EYA3: variants seen among roughly 807,000 people sequenced by gnomAD.
EYA3 encodes EYA transcriptional coactivator and phosphatase 3.
In EYA3, 39 loss-of-function variants were observed where a neutral mutation model predicts 80.0. That is an observed-to-expected ratio of 0.49 (90% CI 0.38 to 0.64). EYA3 has a LOEUF of 0.64. EYA3 is among the 30% of genes least tolerant of loss of function. The probability of loss-of-function intolerance (pLI) is 0.00; values close to 1 mark genes in which losing one functional copy is unlikely to be tolerated. For synonymous variants in EYA3, 206 were observed against 232.8 expected (o/e 0.88, Z 1.05); for missense variants, 523 against 676.1 (o/e 0.77, Z 2.51).
chr1:28,062,537 T>C (rs1335511231), intron 1 of EYA3, among the ~76,000 whole-genome samples: 1 of 152,174 alleles, frequency 6.6e-6, no homozygotes, highest in East Asian at 1.9e-4. Context: ...AGTTTCTGTT[T>C]TGTCCCAAGT....
chr1:28,002,798 C>T (rs1214071943), intron 11 of EYA3, among the ~76,000 whole-genome samples: 1 of 151,124 alleles, frequency 6.6e-6, no homozygotes, highest in East Asian at 2.0e-4. Flanking sequence ...CATGACAGAG[C>T]GAGATATTAT....
intron 10 of EYA3, among the ~76,000 whole-genome samples, chr1:28,005,967 T>G (rs1641238761): frequency 6.7e-6 from 1 of 150,266 alleles, no homozygotes; most frequent in Non-Finnish European, 1.5e-5. Context: ...TAGCTGGGTG[T>G]GGTGGTGCAC....
intron 4 of EYA3, among the ~76,000 whole-genome samples, chr1:28,041,325 T>C (rs1374116347): frequency 6.6e-6 from 1 of 151,988 alleles, no homozygotes; most frequent in Non-Finnish European, 1.5e-5. Flanking sequence ...GATCTTGCCA[T>C]TGCATTCCAG....
chr1:28,028,605 T>G (rs1048082112), intron 6 of EYA3, among the ~76,000 whole-genome samples: 6 of 150,882 alleles, frequency 4.0e-5, no homozygotes, highest in African/African-American at 1.5e-4. Flanking sequence ...TTAAATAAGA[T>G]AGGGTTTTGC....
chr1:28,031,088 C>A (rs150316829), intron 6 of EYA3, among the ~76,000 whole-genome samples: 200 of 152,168 alleles, frequency 1.3e-3, no homozygotes, highest in African/African-American at 4.6e-3. Context: ...CTTATAAGAT[C>A]AAAAATTAGA....
At chr1:28,073,528 G>C (rs1431881341) in intron 1 of EYA3, among the ~76,000 whole-genome samples, 1 of 151,818 alleles carries the variant, frequency 6.6e-6, no homozygotes, top group African/African-American at 2.4e-5. Context: ...CTGAACTCCT[G>C]ACCTCAAGTA....
At chr1:28,041,896 T>C (rs1372050658) in intron 4 of EYA3, among the ~76,000 whole-genome samples, 17 of 152,180 alleles carry the variant, frequency 1.1e-4, no homozygotes, top group Non-Finnish European at 1.5e-5. Context: ...GTATGTAAAG[T>C]ATAAGATTTT....
chr1:28,004,301 A>G, intron 11 of EYA3, 35 bp downstream of exon 11: 1 of 1,452,240 alleles, frequency 6.9e-7, no homozygotes, highest in Non-Finnish European at 9.6e-7. Context: ...TATAGTCAGA[A>G]GAGGGACAGT....
chr1:28,032,430 TG>T (rs1029873708), intron 6 of EYA3, among the ~76,000 whole-genome samples: 5 of 152,302 alleles, frequency 3.3e-5, no homozygotes, highest in African/African-American at 9.6e-5. Flanking sequence ...CACATTTTTG[TG>T]GGTATCTCTA....
intron 7 of EYA3, among the ~76,000 whole-genome samples, chr1:28,020,667 CGTGT>C (rs56017264): frequency 0.066 from 8,880 of 134,372 alleles, 412 homozygotes; most frequent in African/African-American, 0.13. Context: ...TACAGATCAT[CGTGT>C]GTGTGTGTGT....
At chr1:28,056,095 A>G (rs1644429573) in intron 2 of EYA3, among the ~76,000 whole-genome samples, 1 of 152,000 alleles carries the variant, frequency 6.6e-6, no homozygotes, top group African/African-American at 2.4e-5. Context: ...TCTGTTTGAC[A>G]TCCATTAATT....
At chr1:28,005,523 G>C (rs1022235288) in intron 10 of EYA3, among the ~76,000 whole-genome samples, 22 of 152,092 alleles carry the variant, frequency 1.4e-4, no homozygotes, top group Admixed American at 1.2e-3. Context: ...AGACCAGCCT[G>C]GACAACATGG....
intron 6 of EYA3, among the ~76,000 whole-genome samples, chr1:28,028,725 T>G (rs1642938045): frequency 6.6e-6 from 1 of 152,008 alleles, no homozygotes; most frequent in African/African-American, 2.4e-5. Flanking sequence ...TCCAGATTTC[T>G]TCTATGTATT....
At chr1:28,011,941 T>C (rs1468044548) in intron 9 of EYA3, among the ~76,000 whole-genome samples, 3 of 152,214 alleles carry the variant, frequency 2.0e-5, no homozygotes, top group Admixed American at 2.0e-4. Context: ...TGGATCCTAC[T>C]TTAAACAAAA....
rs377723253 is a variant in EYA3 at position 28,009,669 on chromosome 1, A to AACAACAACAAC, written c.909+1277_909+1278insGTTGTTGTTGT. On this transcript the variant is annotated intron_variant, in intron 10 of 17. Transcript: ENST00000373871. This position sits in a 1 kb window ranked among gnomAD's most constrained non-coding sequence, Gnocchi z 4.8. ...ACAACAACAACAACAACAACAACAA[A>AACAACAACAAC]AAACCATTATGGTAAATGAAATAAG... 0.16 allele frequency among the ~76,000 whole-genome samples: 22,215 copies of AACAACAACAAC among 141,970 alleles called. 1,761 individuals carry two copies. Among genetic ancestry groups the AACAACAACAAC allele is most frequent in the Non-Finnish European group, 0.19 (12,163 of 62,850 alleles). 93.1% of individuals were successfully genotyped at this position (141,970 alleles called of 152,430 possible). A position where few individuals can be genotyped will look rare whatever the true frequency, so the allele number is the denominator to read the frequency against.
chr1:28,005,224 A>T (rs1331608276), intron 10 of EYA3, among the ~76,000 whole-genome samples: 1 of 152,222 alleles, frequency 6.6e-6, no homozygotes, highest in East Asian at 1.9e-4. Context: ...GAAAAGCCCA[A>T]GACAAGATGG....
At chr1:28,063,996 A>G (rs1008372760) in intron 1 of EYA3, among the ~76,000 whole-genome samples, 25 of 152,012 alleles carry the variant, frequency 1.6e-4, no homozygotes, top group African/African-American at 5.8e-4. Context: ...CCAAGATTTT[A>G]GCAGCAAATT....
intron 8 of EYA3, among the ~76,000 whole-genome samples, chr1:28,014,615 C>T (rs12026844): frequency 6.6e-6 from 1 of 151,468 alleles, no homozygotes; most frequent in Non-Finnish European, 1.5e-5. Flanking sequence ...GTAGTCCCAG[C>T]TACTAGGGAA....
At chr1:28,072,420 C>T (rs1198887770) in intron 1 of EYA3, among the ~76,000 whole-genome samples, 1 of 151,778 alleles carries the variant, frequency 6.6e-6, no homozygotes, top group Admixed American at 6.6e-5. Context: ...AGATTTAGAT[C>T]CTTTCGTTTA....
Sources: allele counts gnomAD v4.1 joint callset (sites outside exome capture counted in the v4.1 genomes callset), GRCh38; gene constraint gnomAD v4.1.1; non-coding constraint Gnocchi (gnomAD v3.1); transcripts MANE v1.5; gene names NCBI Gene and HGNC (gene_info 2026-07-23, HGNC 2026-07-21).